ITGA4: variants seen among roughly 807,000 people sequenced by gnomAD.
The protein encoded by ITGA4 is integrin subunit alpha 4, also known as integrin alpha-4.
ITGA4 carries 63 observed loss-of-function variants against 133.6 expected under a neutral mutation model. The observed-to-expected ratio is 0.47, with a 90% CI of 0.38 to 0.58. The LOEUF (loss-of-function observed/expected upper bound fraction) is 0.58, where lower values mean the gene tolerates loss of function less well. Among genes scored for constraint, ITGA4 ranks in the 20% least tolerant of loss-of-function variants. The pLI, the probability that ITGA4 is intolerant of heterozygous loss-of-function variation, is 0.00. For synonymous variants in ITGA4, 483 were observed against 438.0 expected (o/e 1.10, Z -1.28); for missense variants, 1,076 against 1,252.7 (o/e 0.86, Z 2.13).
At chr2:181,506,723 G>A (rs1055382619) in intron 15 of ITGA4, among the ~76,000 whole-genome samples, 2 of 152,034 alleles carry the variant, frequency 1.3e-5, no homozygotes, top group African/African-American at 4.8e-5. Flanking sequence ...AATAATATGT[G>A]TGATAGGGAT....
intron 2 of ITGA4, 23 bp from the exon 3 acceptor site, chr2:181,474,937 A>G (rs750996859): frequency 1.3e-6 from 2 of 1,569,426 alleles, no homozygotes; most frequent in Non-Finnish European, 1.8e-6. Flanking sequence ...TACAACTGAT[A>G]AAATTATTTT....
At position 181,495,592 on chromosome 2, in the gene ITGA4, C is replaced by A. The variant is rs1686141394; in HGVS notation, c.1385+176C>A. Among the ~76,000 whole-genome samples the A allele has an allele frequency of 6.6e-6, 1 of 152,024 alleles. No individual in the cohort carries two copies. The highest frequency in any genetic ancestry group is 2.1e-4 in the South Asian group (1 of 4,824). ...CCTTACAGAGATATAATTAAATCAT[C>A]AAAGTCAATATTTTTAGACATTTAA... On this transcript the variant is annotated intron_variant, in intron 13 of 27. Transcript: ENST00000397033. The surrounding 1 kb of genome is among the most constrained non-coding windows in gnomAD (Gnocchi z 4.3).
intron 25 of ITGA4, among the ~76,000 whole-genome samples, chr2:181,532,288 G>C (rs185958018): frequency 6.6e-6 from 1 of 152,132 alleles, no homozygotes; most frequent in African/African-American, 2.4e-5. Flanking sequence ...CTAATTCTGT[G>C]AAGAAAGTCA....
intron 4 of ITGA4, among the ~76,000 whole-genome samples, chr2:181,478,342 C>T (rs1685727253): frequency 6.6e-6 from 1 of 151,946 alleles, no homozygotes; most frequent in Admixed American, 6.6e-5. Flanking sequence ...AGATTTCACT[C>T]TAAATGCACA....
In ITGA4 at chr2:181,537,642, A is replaced by AAATG. The variant is rs1376186936; in HGVS notation, c.*2118_*2121dup. 2.3e-6 allele frequency: 1 copy of AAATG among 435,204 alleles called. No individual in the cohort carries two copies. Among genetic ancestry groups the AAATG allele is most frequent in the Admixed American group, 2.6e-5 (1 of 38,242 alleles). 27.0% of individuals were successfully genotyped at this position (435,204 alleles called of 1,614,324 possible). On this transcript the variant is annotated 3_prime_UTR_variant, in exon 28 of 28. Coordinates refer to ENST00000397033, the MANE Select transcript of ITGA4 (RefSeq NM_000885.6). Reference sequence around the variant, plus strand: ...ATAATTGATGAGCTCAAATCCTGAAAAATGAAAGAATCCAAATTATTTCAG... The same window carrying AAATG: ...ATAATTGATGAGCTCAAATCCTGAAAAATGAATGAAAGAATCCAAATTATTTCAG...
chr2:181,469,818 A>ATG (rs1219069975), intron 2 of ITGA4, among the ~76,000 whole-genome samples: 1 of 152,114 alleles, frequency 6.6e-6, no homozygotes, highest in Non-Finnish European at 1.5e-5. Context: ...CACAAGAACA[A>ATG]AAAACCAAAC....
Position 181,498,128 on chromosome 2 carries a change from C to T in ITGA4, c.1541-495C>T, listed in dbSNP as rs1300354148. On this transcript the variant is annotated intron_variant, in intron 14 of 27. Coordinates refer to ENST00000397033, the MANE Select transcript of ITGA4 (RefSeq NM_000885.6). ...TATAGATTTGACTTAATCATGTGTT[C>T]ACTTCATGTATAAAAAAAAGCCTTC... Among the ~76,000 whole-genome samples, 5 of 151,792 alleles carry T rather than the reference C, an allele frequency of 3.3e-5. No homozygotes were observed. In the South Asian group the frequency reaches 8.3e-4, roughly 25 times the overall value.
intron 18 of ITGA4, 141 bp downstream of exon 18, chr2:181,522,482 T>C: frequency 1.8e-6 from 1 of 570,684 alleles, no homozygotes; most frequent in Non-Finnish European, 2.9e-6. Flanking sequence ...ACTTACTCTG[T>C]GCCCCTGCTC....
chr2:181,534,305 GCAA>G lies in ITGA4; in HGVS notation c.2821_2823del (p.Thr941del). 6.2e-7 allele frequency: 1 copy of G among 1,611,092 alleles called. No homozygotes were observed. Among genetic ancestry groups the G allele is most frequent in the Non-Finnish European group, 8.5e-7 (1 of 1,177,492 alleles). Reference sequence around the variant, plus strand: ...TTCAGCACTCAAGTTTGAAATAAGAGCAACAGGTTTTCCAGAGCCAAATCCAAG... The same window carrying G: ...TTCAGCACTCAAGTTTGAAATAAGAGCAGGTTTTCCAGAGCCAAATCCAAG... On this transcript the variant is annotated inframe_deletion, in exon 26 of 28. Coordinates refer to ENST00000397033, the MANE Select transcript of ITGA4 (RefSeq NM_000885.6).
Position 181,457,819 on chromosome 2 carries a change from G to A in ITGA4, c.165G>A (p.Ser55=), listed in dbSNP as rs1328713342. 1 of 1,613,476 alleles carries A rather than the reference G, an allele frequency of 6.2e-7. No homozygotes were observed. The highest frequency in any genetic ancestry group is 1.3e-5 in the African/African-American group (1 of 75,052). The change falls in exon 1 of 28, where the codon TCG becomes TCA. Residue 55 remains serine, a synonymous_variant. Coordinates refer to ENST00000397033, the MANE Select transcript of ITGA4 (RefSeq NM_000885.6). The part of the protein sequence containing the change: ...QGPHNTLFGY[S]VVLHSHGANR... Reference sequence around the variant, plus strand: ...CCCACAACACGCTGTTCGGCTACTCGGTCGTGCTGCACAGCCACGGGGCGA... The same window carrying A: ...CCCACAACACGCTGTTCGGCTACTCAGTCGTGCTGCACAGCCACGGGGCGA...
Position 181,506,393 on chromosome 2 carries a change from G to A in ITGA4, c.1696-3265G>A, listed in dbSNP as rs373084805. Among the ~76,000 whole-genome samples, 16 of 152,110 alleles carry A rather than the reference G, an allele frequency of 1.1e-4. No individual in the cohort carries two copies. The South Asian group carries it at 3.1e-3, about 30-fold the overall frequency. The stretch of plus-strand genomic sequence containing the variant: ...AGGTATAAGTATAACCACCATAATT[G>A]TTATTATTCCTATTTTCAGATAACA... On this transcript the variant is annotated intron_variant, in intron 15 of 27. Transcript: ENST00000397033.
rs756741976 is a variant in ITGA4, at chr2:181,532,215, T to C, written c.2784+439T>C. Among the ~76,000 whole-genome samples, 33 of 152,342 alleles carry C rather than the reference T, an allele frequency of 2.2e-4. 1 individual carries two copies. Among genetic ancestry groups the C allele is most frequent in the Non-Finnish European group, 2.6e-4 (18 of 68,028 alleles). The stretch of plus-strand genomic sequence containing the variant: ...CTGATGCCTCCAGCTTTCTTTTTGC[T>C]TAGGATTGTCTTGACTATATGGGCT... On this transcript the variant is annotated intron_variant, in intron 25 of 27. Coordinates refer to ENST00000397033, the MANE Select transcript of ITGA4 (RefSeq NM_000885.6).
intron 16 of ITGA4, 26 bp from the exon 17 acceptor site, chr2:181,511,673 A>G: frequency 7.6e-7 from 1 of 1,324,052 alleles, no homozygotes; most frequent in East Asian, 2.3e-5. Flanking sequence ...AAATCAAAAT[A>G]AAAAACGTTG....
Position 181,537,977 on chromosome 2 carries a change from A to G in ITGA4, c.*2450A>G, listed in dbSNP as rs751193083. The G allele has an allele frequency of 4.8e-5, 32 of 663,110 alleles. No individual in the cohort carries two copies. The Admixed American group carries it at 5.2e-4, about 11-fold the overall frequency. The allele number at this position is 663,110 out of a possible 1,614,324, so 41.1% of individuals were successfully genotyped here. On this transcript the variant is annotated 3_prime_UTR_variant, in exon 28 of 28. Coordinates refer to ENST00000397033, the MANE Select transcript of ITGA4 (RefSeq NM_000885.6). Reference sequence around the variant, plus strand: ...CATATGGTGAACTGGTATGTGAGGGATCTAGAGTGCCATGTTCCTCAAGAG... The same window carrying G: ...CATATGGTGAACTGGTATGTGAGGGGTCTAGAGTGCCATGTTCCTCAAGAG...
At chr2:181,502,988 G>C (rs1446869559) in intron 15 of ITGA4, among the ~76,000 whole-genome samples, 1 of 151,990 alleles carries the variant, frequency 6.6e-6, no homozygotes, top group Non-Finnish European at 1.5e-5. Context: ...AGGGGAGGGG[G>C]CACACCAAGA....
chr2:181,524,484 C>T (rs551366771), intron 20 of ITGA4: 65 of 375,970 alleles, frequency 1.7e-4, no homozygotes, highest in Middle Eastern at 1.3e-3. Context: ...TGATGTGTCA[C>T]GAATCAAACT....
Position 181,537,396 on chromosome 2 carries a change from C to A in ITGA4, c.*1869C>A, listed in dbSNP as rs1246182055. 9 of 453,838 alleles carry A rather than the reference C, an allele frequency of 2.0e-5. No homozygotes were observed. In the East Asian group the frequency reaches 6.2e-4, roughly 32 times the overall value. 28.1% of individuals were successfully genotyped at this position (453,838 alleles called of 1,614,324 possible). ...ATTACATATTGGGCTAGATTTTGCC[C>A]AGTTCAAAATAGTATTTGTTATCAA... On this transcript the variant is annotated 3_prime_UTR_variant, in exon 28 of 28. Transcript: ENST00000397033.
chr2:181,472,317 G>C (rs1399528972), intron 2 of ITGA4, among the ~76,000 whole-genome samples: 1 of 152,076 alleles, frequency 6.6e-6, no homozygotes, highest in Non-Finnish European at 1.5e-5. Context: ...TATTTACATG[G>C]TACATTGTGG....
At chr2:181,501,124 T>C (rs2105749368) in intron 15 of ITGA4, among the ~76,000 whole-genome samples, 1 of 152,268 alleles carries the variant, frequency 6.6e-6, no homozygotes, top group African/African-American at 2.4e-5. Flanking sequence ...CAACAACACC[T>C]GTAGGGCTTC....
Sources: allele counts gnomAD v4.1 joint callset (sites outside exome capture counted in the v4.1 genomes callset), GRCh38; gene constraint gnomAD v4.1.1; non-coding constraint Gnocchi (gnomAD v3.1); transcripts MANE v1.5; gene names NCBI Gene and HGNC (gene_info 2026-07-23, HGNC 2026-07-21).